GRIN3A: variants seen among roughly 807,000 people sequenced by gnomAD.
GRIN3A encodes the protein glutamate ionotropic receptor NMDA type subunit 3A.
A neutral mutation model predicts 92.4 loss-of-function variants in GRIN3A; 47 were observed. The observed-to-expected ratio is 0.51, with a 90% CI of 0.40 to 0.65. GRIN3A has a LOEUF of 0.65. Among genes scored for constraint, GRIN3A ranks in the 30% least tolerant of loss-of-function variants. The pLI is 0.00. For missense variants in GRIN3A, 1,324 were observed against 1,393.1 expected, an observed-to-expected ratio of 0.95 and a Z score of 0.79; for synonymous variants, 527 against 540.6, an observed-to-expected ratio of 0.97 and a Z score of 0.35.
In GRIN3A at chr9:101,573,198, C is replaced by G; in HGVS notation, c.3324G>C (p.Arg1108Ser). The change falls in exon 9 of 9, where the codon AGG becomes AGC. Residue 1108 changes from arginine to serine, a missense_variant. By Grantham distance (110) the Arg-to-Ser change is moderately radical (BLOSUM62 -1). Transcript: ENST00000361820. ...CCTAGGACTCACAAGTCCGACTTGT[C>G]CTTTGATACTCCTCCAGCTCCGTTT... Reference protein sequence around the residue: ...SRKTELEEYQRTSRTCES With the variant: ...SRKTELEEYQSTSRTCES 1.9e-6 allele frequency: 3 copies of G among 1,614,066 alleles called. No homozygotes were observed. Among genetic ancestry groups the G allele is most frequent in the Admixed American group, 1.7e-5 (1 of 60,018 alleles).
chr9:101,666,391 A>T (rs1470659027), intron 3 of GRIN3A, among the ~76,000 whole-genome samples: 1 of 151,974 alleles, frequency 6.6e-6, no homozygotes, highest in Non-Finnish European at 1.5e-5. Context: ...CTAACACAGG[A>T]AGGGAAAACC....
intron 3 of GRIN3A, among the ~76,000 whole-genome samples, chr9:101,654,191 G>A (rs1829052185): frequency 6.6e-6 from 1 of 150,436 alleles, no homozygotes; most frequent in African/African-American, 2.4e-5. Context: ...TGAATCTTAA[G>A]TTTTTTTTTC....
At chr9:101,707,997 A>G (rs921198418) in intron 1 of GRIN3A, among the ~76,000 whole-genome samples, 7 of 152,150 alleles carry the variant, frequency 4.6e-5, no homozygotes, top group Non-Finnish European at 1.0e-4. Context: ...GGGGAAAAAA[A>G]GAGAACTCCT....
chr9:101,634,257 C>T (rs904658516), intron 3 of GRIN3A, among the ~76,000 whole-genome samples: 2 of 141,832 alleles, frequency 1.4e-5, no homozygotes, highest in African/African-American at 5.2e-5. Flanking sequence ...GGCGTGAACC[C>T]GGGAGGCGGA....
chr9:101,722,127 G>A (rs944740652), intron 1 of GRIN3A, among the ~76,000 whole-genome samples: 6 of 152,216 alleles, frequency 3.9e-5, no homozygotes, highest in South Asian at 2.1e-4. Context: ...TTGGTGCCCC[G>A]TGTCCCAGCT....
chr9:101,604,605 T>A (rs188920886), intron 6 of GRIN3A, among the ~76,000 whole-genome samples: 277 of 152,170 alleles, frequency 1.8e-3, no homozygotes, highest in Non-Finnish European at 3.0e-3. Flanking sequence ...ATAACTTTCA[T>A]CAGGTTGAAG....
At chr9:101,728,032 C>A (rs549674529) in intron 1 of GRIN3A, among the ~76,000 whole-genome samples, 1 of 149,698 alleles carries the variant, frequency 6.7e-6, no homozygotes, top group Admixed American at 6.6e-5. Context: ...TATTTGCTCC[C>A]ATTATTACAT....
intron 4 of GRIN3A, among the ~76,000 whole-genome samples, chr9:101,626,933 G>A (rs1828641096): frequency 6.6e-6 from 1 of 152,192 alleles, no homozygotes; most frequent in Non-Finnish European, 1.5e-5. Flanking sequence ...GGCCAGTGCT[G>A]GGCACGTGGG....
intron 1 of GRIN3A, among the ~76,000 whole-genome samples, chr9:101,719,624 G>A (rs1359775105): frequency 6.6e-6 from 1 of 152,056 alleles, no homozygotes; most frequent in Non-Finnish European, 1.5e-5. Context: ...TGGTTCCCCT[G>A]GCTTGAGCTC....
At chr9:101,714,537 T>C (rs10124157) in intron 1 of GRIN3A, among the ~76,000 whole-genome samples, 1,893 of 152,266 alleles carry the variant, frequency 0.012, 47 homozygotes, top group African/African-American at 0.043. Flanking sequence ...TTATTCCTAT[T>C]GTCCCCTGTA....
At chr9:101,706,206 C>T (rs780637954) in intron 1 of GRIN3A, among the ~76,000 whole-genome samples, 8 of 152,180 alleles carry the variant, frequency 5.3e-5, no homozygotes, top group Non-Finnish European at 8.8e-5. Context: ...CTTGAACTTC[C>T]TTTTCAAAGA....
At chr9:101,685,939 AG>A (rs1424922253) in intron 2 of GRIN3A, among the ~76,000 whole-genome samples, 1 of 152,068 alleles carries the variant, frequency 6.6e-6, no homozygotes, top group African/African-American at 2.4e-5. Context: ...GGCTCAGAGA[AG>A]TTAAGTAACT....
intron 3 of GRIN3A, among the ~76,000 whole-genome samples, chr9:101,629,284 CAT>C (rs913995535): frequency 1.3e-4 from 20 of 152,240 alleles, no homozygotes; most frequent in African/African-American, 4.6e-4. Flanking sequence ...CACACACACA[CAT>C]ACGCACATGC....
At chr9:101,727,507 A>G (rs1258257091) in intron 1 of GRIN3A, among the ~76,000 whole-genome samples, 1 of 152,214 alleles carries the variant, frequency 6.6e-6, no homozygotes, top group East Asian at 1.9e-4. Context: ...AATGAAAGTG[A>G]CAGCAAATAC....
At chr9:101,688,395 A>T (rs1057463051) in intron 1 of GRIN3A, among the ~76,000 whole-genome samples, 9 of 152,312 alleles carry the variant, frequency 5.9e-5, no homozygotes, top group African/African-American at 2.2e-4. Flanking sequence ...GGTAGGTAGG[A>T]TGGAGTCTTA....
At position 101,670,206 on chromosome 9, in the gene GRIN3A, G is replaced by A. The variant is rs1829298491; in HGVS notation, c.2206C>T (p.Pro736Ser). 1 of 1,614,018 alleles carries A rather than the reference G, an allele frequency of 6.2e-7. No individual in the cohort carries two copies. Among genetic ancestry groups the A allele is most frequent in the South Asian group, 1.1e-5 (1 of 91,088 alleles). The change falls in exon 3 of 9, where the codon CCT becomes TCT. Residue 736 changes from proline to serine, a missense_variant. Coordinates refer to ENST00000361820, the MANE Select transcript of GRIN3A (RefSeq NM_133445.3). ...AACCTTCCAGTCCAACATTTTGGAG[G>A]TTTGATGGCCACTGTTCTGCCAAAC... ...LLFGRTVAIK[P>S]PKCWTGRFLM...
Position 101,660,917 on chromosome 9 carries a change from A to G in GRIN3A, c.2352+9143T>C, listed in dbSNP as rs73660022. The stretch of plus-strand genomic sequence containing the variant: ...ATTTTTCATTCATTAGTCGAACAAC[A>G]TTTACTGAATATTTACTGTTCACCC... On this transcript the variant is annotated intron_variant, in intron 3 of 8. Coordinates refer to ENST00000361820, the MANE Select transcript of GRIN3A (RefSeq NM_133445.3). Among the ~76,000 whole-genome samples the G allele has an allele frequency of 4.5e-3, 684 of 151,934 alleles. 4 individuals are homozygous for G. The highest frequency in any genetic ancestry group is 0.015 in the African/African-American group (626 of 41,506).
At chr9:101,587,097 G>A (rs1329956147) in intron 6 of GRIN3A, among the ~76,000 whole-genome samples, 4 of 152,148 alleles carry the variant, frequency 2.6e-5, no homozygotes, top group Non-Finnish European at 5.9e-5. Context: ...ATCATCTGAG[G>A]TCAGGAGTTC....
At chr9:101,645,068 G>A (rs552158691) in intron 3 of GRIN3A, among the ~76,000 whole-genome samples, 2 of 151,788 alleles carry the variant, frequency 1.3e-5, no homozygotes, top group South Asian at 2.1e-4. Context: ...GTTAACTACA[G>A]TCACCCTACT....
Sources: allele counts gnomAD v4.1 joint callset (sites outside exome capture counted in the v4.1 genomes callset), GRCh38; gene constraint gnomAD v4.1.1; transcripts MANE v1.5; gene names NCBI Gene and HGNC (gene_info 2026-07-23, HGNC 2026-07-21).